Variants in LRRN2 observed in about 807,000 individuals in gnomAD.
LRRN2 encodes the protein leucine rich repeat neuronal 2, also known as leucine-rich repeat neuronal protein 2.
Under a neutral mutation model 35.7 loss-of-function variants are expected in LRRN2, and 10 were observed. That is an observed-to-expected ratio of 0.28 (90% confidence interval 0.17 to 0.47). The LOEUF is 0.47. LRRN2 is among the 20% of genes least tolerant of loss of function. The pLI, the probability that LRRN2 is intolerant of heterozygous loss-of-function variation, is 0.99. For missense variants in LRRN2, 731 were observed against 940.3 expected (o/e 0.78, Z 2.91); for synonymous variants, 391 against 409.6 (o/e 0.95, Z 0.55).
intron 1 of LRRN2, among the ~76,000 whole-genome samples, chr1:204,673,644 G>T (rs1668756739): frequency 6.6e-6 from 1 of 152,338 alleles, no homozygotes. Flanking sequence ...TATGCAGGAA[G>T]ACTGCAGCCA....
At chr1:204,633,677 G>T (rs1337405087) in intron 1 of LRRN2, among the ~76,000 whole-genome samples, 1 of 152,210 alleles carries the variant, frequency 6.6e-6, no homozygotes, top group Non-Finnish European at 1.5e-5. Flanking sequence ...GTAAAGCCAG[G>T]ACTCAAACTT....
chr1:204,669,076 A>T (rs1668650533), intron 1 of LRRN2, among the ~76,000 whole-genome samples: 1 of 152,208 alleles, frequency 6.6e-6, no homozygotes, highest in African/African-American at 2.4e-5. Flanking sequence ...CTCCCACCTC[A>T]GCCTCTCCAG....
intron 1 of LRRN2, among the ~76,000 whole-genome samples, chr1:204,670,549 G>A (rs373256269): frequency 8.5e-5 from 13 of 152,088 alleles, no homozygotes; most frequent in South Asian, 8.3e-4. Flanking sequence ...GAAGCCGTTC[G>A]TGTGGCTGAG....
At chr1:204,660,063 T>C (rs1571671765) in intron 1 of LRRN2, among the ~76,000 whole-genome samples, 1 of 152,264 alleles carries the variant, frequency 6.6e-6, no homozygotes, top group Non-Finnish European at 1.5e-5. Flanking sequence ...TTGATGCCTG[T>C]AAAGGCATCT....
At chr1:204,674,426 A>G (rs956349592) in intron 1 of LRRN2, among the ~76,000 whole-genome samples, 3 of 152,010 alleles carry the variant, frequency 2.0e-5, no homozygotes, top group Non-Finnish European at 4.4e-5. Flanking sequence ...GGAGACCAAC[A>G]CCGGGGAGCT....
At chr1:204,672,448 G>A (rs2102240865) in intron 1 of LRRN2, among the ~76,000 whole-genome samples, 1 of 152,266 alleles carries the variant, frequency 6.6e-6, no homozygotes, top group South Asian at 2.1e-4. Flanking sequence ...GGTCAATTGG[G>A]GTCCCTGAGC....
At chr1:204,684,037 C>T (rs1228398484) in intron 1 of LRRN2, among the ~76,000 whole-genome samples, 2 of 152,186 alleles carry the variant, frequency 1.3e-5, no homozygotes, top group Non-Finnish European at 2.9e-5. Flanking sequence ...GAGCTCCTGG[C>T]CTTCTTATTC....
At chr1:204,645,326 C>T (rs1331703814) in intron 1 of LRRN2, among the ~76,000 whole-genome samples, 1 of 152,180 alleles carries the variant, frequency 6.6e-6, no homozygotes, top group Non-Finnish European at 1.5e-5. Context: ...AAACAGCACC[C>T]CAAGGAAACA....
At chr1:204,631,020 T>C (rs1220502455) in intron 1 of LRRN2, among the ~76,000 whole-genome samples, 5 of 151,446 alleles carry the variant, frequency 3.3e-5, no homozygotes, top group Non-Finnish European at 7.4e-5. Flanking sequence ...CCCGGACCAG[T>C]AGTCTACGCA....
chr1:204,674,708 A>C (rs1196430488), intron 1 of LRRN2, among the ~76,000 whole-genome samples: 1 of 152,122 alleles, frequency 6.6e-6, no homozygotes, highest in African/African-American at 2.4e-5. Flanking sequence ...CTGTGTCTCC[A>C]CTCAGAGCAG....
chr1:204,631,257 T>TCTA (rs1558407619), intron 1 of LRRN2, among the ~76,000 whole-genome samples: 385 of 28,778 alleles, frequency 0.013, 77 homozygotes, highest in Non-Finnish European at 0.022. Flanking sequence ...TAGAGTGTTC[T>TCTA]ATATATATAT....
rs1666504640 is a variant in LRRN2 at position 204,618,127 on chromosome 1, G to A, written c.1866C>T (p.His622=). ...WARTKEATSC[H]RALGDRPGLI... is the part of the protein sequence containing the mutation. ...GCCCAGGACGGTCCCCTAAGGCTCT[G>A]TGGCAAGAAGTGGCCTCTTTGGTCC... Residue 622 remains histidine (H), a synonymous_variant, in exon 2 of 2, where the codon CAC becomes CAT. Coordinates refer to ENST00000367177, the MANE Select transcript of LRRN2 (RefSeq NM_201630.2). 4 of 1,613,996 alleles carry A rather than the reference G, an allele frequency of 2.5e-6. No individual in the cohort carries two copies. Among genetic ancestry groups the A allele is most frequent in the Non-Finnish European group, 2.5e-6 (3 of 1,179,994 alleles).
chr1:204,673,577 A>G (rs1293225041), intron 1 of LRRN2, among the ~76,000 whole-genome samples: 2 of 152,238 alleles, frequency 1.3e-5, no homozygotes, highest in Non-Finnish European at 2.9e-5. Context: ...CTTCCCACAA[A>G]CGCACAACAG....
chr1:204,667,451 T>C (rs1668597714), intron 1 of LRRN2, among the ~76,000 whole-genome samples: 1 of 152,092 alleles, frequency 6.6e-6, no homozygotes, highest in Admixed American at 6.5e-5. Context: ...ATTCAACGAG[T>C]TAATATAAAG....
intron 1 of LRRN2, among the ~76,000 whole-genome samples, chr1:204,679,629 A>T (rs1668897075): frequency 6.6e-6 from 1 of 152,214 alleles, no homozygotes; most frequent in South Asian, 2.1e-4. Flanking sequence ...CTGCCTTGTT[A>T]GAGCTATCCC....
chr1:204,618,650 A>G lies in LRRN2; in HGVS notation c.1343T>C (p.Leu448Pro). ...GESMVLHCRA[L>P]AEPEPEIYWV... ...GTAGATCTCGGGTTCGGGTTCGGCC[A>G]GTGCCCGGCAATGCAGCACCATGCT... Residue 448 changes from leucine to proline, a missense_variant, in exon 2 of 2, where the codon CTG (leucine) becomes CCG (proline). Transcript: ENST00000367177. The G allele has an allele frequency of 1.2e-6, 2 of 1,609,148 alleles. No individual in the cohort carries two copies. Among genetic ancestry groups the G allele is most frequent in the Non-Finnish European group, 1.7e-6 (2 of 1,177,476 alleles).
chr1:204,676,096 A>G (rs374433093), intron 1 of LRRN2, among the ~76,000 whole-genome samples: 19 of 151,934 alleles, frequency 1.3e-4, no homozygotes, highest in African/African-American at 4.6e-4. Context: ...ATGACCCTGC[A>G]GTTGTCTGCT....
At chr1:204,656,500 C>G (rs544899227) in intron 1 of LRRN2, among the ~76,000 whole-genome samples, 1 of 152,138 alleles carries the variant, frequency 6.6e-6, no homozygotes, top group South Asian at 2.1e-4. Context: ...TGTTTTCCAC[C>G]TTGTTTTGGT....
chr1:204,671,733 T>A (rs1668719047), intron 1 of LRRN2, among the ~76,000 whole-genome samples: 1 of 133,664 alleles, frequency 7.5e-6, no homozygotes, highest in African/African-American at 2.7e-5. Flanking sequence ...CATAGAACCC[T>A]CCCACTGCTA....
Sources: gnomAD v4.1 joint callset for allele counts (sites outside exome capture counted in the v4.1 genomes callset) on GRCh38, gnomAD v4.1.1 for gene constraint, MANE v1.5 for transcripts, NCBI Gene and HGNC (gene_info 2026-07-23, HGNC 2026-07-21) for gene names.